The following C2CD3 variants were observed in gnomAD, a reference collection of about 807,000 sequenced individuals.
C2CD3 encodes C2 domain containing 3 centriole elongation regulator.
A neutral mutation model predicts 234.0 loss-of-function variants in C2CD3; 148 were observed. The observed-to-expected ratio is 0.63, with a 90% CI of 0.55 to 0.72. The LOEUF is 0.72. C2CD3 is among the 30% of genes least tolerant of loss of function. The pLI is 0.00. For missense variants in C2CD3, 2,577 were observed against 2,811.5 expected, an observed-to-expected ratio of 0.92 and a Z score of 1.89; for synonymous variants, 1,000 against 1,035.4, an observed-to-expected ratio of 0.97 and a Z score of 0.66.
At chr11:74,151,578 T>C (rs905042637) in intron 3 of C2CD3, among the ~76,000 whole-genome samples, 3 of 151,110 alleles carry the variant, frequency 2.0e-5, no homozygotes, top group Non-Finnish European at 4.4e-5. Context: ...CCAGCTGCCT[T>C]GGCCTCCCAA....
At chr11:74,160,525 A>G (rs1856386899) in intron 3 of C2CD3, among the ~76,000 whole-genome samples, 1 of 152,212 alleles carries the variant, frequency 6.6e-6, no homozygotes, top group South Asian at 2.1e-4. Context: ...TCACTCAGAT[A>G]GAATCTAAAG....
In C2CD3 at chr11:74,052,749, A is replaced by T. The variant is rs982336480; in HGVS notation, c.5155+1858T>A. On this transcript the variant is annotated intron_variant, in intron 26 of 32. Coordinates refer to ENST00000334126, the MANE Select transcript of C2CD3 (RefSeq NM_001286577.2). ...CCAAAGCAGCAACATAGAACTCATC[A>T]TCAAAACAAGGGACTCACAGCAGCA... 5.3e-5 allele frequency among the ~76,000 whole-genome samples: 8 copies of T among 152,356 alleles called. No homozygotes were observed. In the South Asian group the frequency reaches 8.3e-4, roughly 16 times the overall value.
At chr11:74,091,825 A>G (rs1396323748) in intron 19 of C2CD3, among the ~76,000 whole-genome samples, 1 of 152,174 alleles carries the variant, frequency 6.6e-6, no homozygotes, top group African/African-American at 2.4e-5. Context: ...TGAGACAAGC[A>G]ACATTTACAT....
intron 5 of C2CD3, among the ~76,000 whole-genome samples, chr11:74,134,587 G>A (rs964947404): frequency 2.0e-5 from 3 of 152,192 alleles, no homozygotes; most frequent in Admixed American, 6.5e-5. Context: ...AACAGATACA[G>A]GAGGTATTAT....
rs547622584 is a variant in C2CD3, at chr11:74,058,334, T to G, written c.4952-790A>C. Among the ~76,000 whole-genome samples the G allele has an allele frequency of 1.1e-4, 17 of 152,340 alleles. No individual in the cohort carries two copies. In the South Asian group the frequency reaches 3.5e-3, roughly 32 times the overall value. On this transcript the variant is annotated intron_variant, in intron 24 of 32. Transcript: ENST00000334126. ...CACTTACATATCACTTACTGTGATA[T>G]GTAAGGCACTGTTCTATGTACTTTA...
chr11:74,094,803 T>C (rs1361539603), intron 17 of C2CD3, among the ~76,000 whole-genome samples: 2 of 152,226 alleles, frequency 1.3e-5, no homozygotes, highest in Non-Finnish European at 2.9e-5. Flanking sequence ...ATGTGAGATA[T>C]GTATATGTAC....
chr11:74,116,975 C>CGTATATGTGTATATATACGTGTATAT (rs1565312837), intron 9 of C2CD3, among the ~76,000 whole-genome samples: 2 of 70,766 alleles, frequency 2.8e-5, no homozygotes, highest in Non-Finnish European at 7.6e-5. Context: ...CACATATACA[C>CGTATATGTGTATATATACGTGTATAT]GTATATATAC....
rs1955179132 is a variant in C2CD3 at position 74,078,572 on chromosome 11, A to G, written c.4146T>C (p.Ala1382=). ...TCTCAAAGCTCCAGCCCAAATGCTC[A>G]GCAGCTTCCAACACCCGTTCTCTAT... ...RGDRERVLEA[A]EHLGWSFENS... Residue 1382 remains alanine (A), a synonymous_variant, in exon 23 of 33, where the codon GCT becomes GCC. Coordinates refer to ENST00000334126, the MANE Select transcript of C2CD3 (RefSeq NM_001286577.2). 1 of 1,614,022 alleles carries G rather than the reference A, an allele frequency of 6.2e-7. No individual in the cohort carries two copies. The highest frequency in any genetic ancestry group is 1.3e-5 in the African/African-American group (1 of 74,900).
chr11:74,055,356 A>C (rs1953905258), intron 25 of C2CD3, among the ~76,000 whole-genome samples: 1 of 151,686 alleles, frequency 6.6e-6, no homozygotes. Context: ...GAATCCACTG[A>C]ACACCTCCAA....
chr11:74,042,239 A>G, intron 28 of C2CD3, 21 bp from the exon 29 acceptor site: 1 of 1,587,326 alleles, frequency 6.3e-7, no homozygotes. Context: ...AAAAAAAAAA[A>G]AAAGTAGGAG....
intron 22 of C2CD3, among the ~76,000 whole-genome samples, chr11:74,083,693 T>C (rs1294026836): frequency 6.6e-6 from 1 of 152,062 alleles, no homozygotes; most frequent in African/African-American, 2.4e-5. Context: ...CATGAAAAAA[T>C]GCTCATCATC....
chr11:74,048,364 A>G (rs1420715133), intron 27 of C2CD3, 26 bp from the exon 28 acceptor site: 1 of 1,611,524 alleles, frequency 6.2e-7, no homozygotes, highest in Non-Finnish European at 8.5e-7. Flanking sequence ...GAAAAATGGT[A>G]CACTTGTCAC....
intron 10 of C2CD3, 96 bp downstream of exon 10, chr11:74,114,287 CA>C: frequency 2.4e-6 from 2 of 824,358 alleles, no homozygotes; most frequent in Non-Finnish European, 2.0e-6. Context: ...CATATGAAAA[CA>C]CATCCCAAAT....
chr11:74,166,316 TAAA>T (rs34997320), intron 2 of C2CD3, among the ~76,000 whole-genome samples: 2 of 123,154 alleles, frequency 1.6e-5, no homozygotes. Context: ...GACTCCGTCT[TAAA>T]AAAAAAAAAA....
At position 74,098,227 on chromosome 11, in the gene C2CD3, C is replaced by A. The variant is rs1565290820; in HGVS notation, c.2761G>T (p.Asp921Tyr). ...ACAGCAACAACTGGGTACTGGGCATCCAGCAGCAGGCGAGAAATCTTAGCA... is the reference window on the plus strand; with the variant it reads ...ACAGCAACAACTGGGTACTGGGCATACAGCAGCAGGCGAGAAATCTTAGCA... ...KDAKISRLLLDAQYPVVAVDS... is the reference protein window; with the variant it reads ...KDAKISRLLLYAQYPVVAVDS... Residue 921 changes from aspartate (D) to tyrosine (Y), a missense_variant, in exon 16 of 33, where the codon GAT becomes TAT. By Grantham distance (160) the Asp-to-Tyr change is radical. Transcript: ENST00000334126. 6.2e-7 allele frequency: 1 copy of A among 1,614,032 alleles called. No homozygotes were observed. The highest frequency in any genetic ancestry group is 2.2e-5 in the East Asian group (1 of 44,876).
intron 32 of C2CD3, among the ~76,000 whole-genome samples, chr11:74,023,312 G>A (rs895031861): frequency 8.5e-5 from 13 of 152,232 alleles, no homozygotes; most frequent in African/African-American, 2.4e-4. Flanking sequence ...TAGGACAGTG[G>A]TTGAGAAGAG....
At position 74,123,011 on chromosome 11, in the gene C2CD3, C is replaced by G. The variant is rs755981597; in HGVS notation, c.1342G>C (p.Glu448Gln). 1.1e-5 allele frequency: 17 copies of G among 1,613,514 alleles called. No individual in the cohort carries two copies. In the Admixed American group the frequency reaches 2.7e-4, roughly 25 times the overall value. The change falls in exon 8 of 33, where the codon GAG (glutamate) becomes CAG (glutamine). Residue 448 changes from glutamate to glutamine, a missense_variant. Glu to Gln is a conservative substitution (Grantham distance 29). Transcript: ENST00000334126. ...NDPQYDQSLL[E>Q]NLFYTAPKSD... is the part of the protein sequence containing the mutation. ...ACAGGTGCTGTATAAAATAAATTCT[C>G]CAGAAGACTCTGGTCATACTGAGGG... is the stretch of plus-strand genomic sequence containing the variant.
chr11:74,157,025 T>G (rs1057250071), intron 3 of C2CD3, among the ~76,000 whole-genome samples: 3 of 152,184 alleles, frequency 2.0e-5, no homozygotes, highest in Non-Finnish European at 2.9e-5. Context: ...CCTCCCGATT[T>G]CATTTTTCCT....
chr11:74,058,465 T>G (rs1212262301), intron 24 of C2CD3, among the ~76,000 whole-genome samples: 2 of 152,206 alleles, frequency 1.3e-5, no homozygotes, highest in African/African-American at 4.8e-5. Context: ...CTATCATTGT[T>G]ATTTCTATCA....
Sources: gnomAD v4.1 joint callset for allele counts (sites outside exome capture counted in the v4.1 genomes callset) on GRCh38, gnomAD v4.1.1 for gene constraint, MANE v1.5 for transcripts, NCBI Gene and HGNC (gene_info 2026-07-23, HGNC 2026-07-21) for gene names.